SH2D4A: variants seen among roughly 807,000 people sequenced by gnomAD.
SH2D4A encodes the protein SH2 domain containing 4A.
Under a neutral mutation model 64.7 loss-of-function variants are expected in SH2D4A, and 70 were observed. The ratio of observed to expected loss-of-function variants is 1.08; its 90% CI spans 0.89 to 1.32. The LOEUF (loss-of-function observed/expected upper bound fraction) is 1.32. Among genes scored for constraint, SH2D4A ranks in the 40% most tolerant of loss-of-function variants. The pLI, the probability that SH2D4A is intolerant of heterozygous loss-of-function variation, is 0.00. For synonymous variants in SH2D4A, 268 were observed against 200.7 expected, an observed-to-expected ratio of 1.34 and a Z score of -2.83; for missense variants, 706 against 540.1, an observed-to-expected ratio of 1.31 and a Z score of -3.04.
At chr8:19,391,332 A>G (rs966927275) in intron 8 of SH2D4A, among the ~76,000 whole-genome samples, 1 of 152,088 alleles carries the variant, frequency 6.6e-6, no homozygotes, top group East Asian at 1.9e-4. Context: ...CCTCATGGGG[A>G]TAGTGGAGCA....
At chr8:19,357,317 C>T (rs1355443949) in intron 5 of SH2D4A, 34 bp downstream of exon 5, 7 of 1,391,208 alleles carry the variant, frequency 5.0e-6, no homozygotes, top group Non-Finnish European at 7.1e-6. Flanking sequence ...CCGGGGGCTG[C>T]ATACCTAGGC....
intron 6 of SH2D4A, 69 bp from the exon 7 acceptor site, chr8:19,364,003 T>C (rs900567610): frequency 3.4e-6 from 5 of 1,486,480 alleles, no homozygotes; most frequent in African/African-American, 1.4e-5. Context: ...CGTTGTGCAA[T>C]GAATGCTGAG....
intron 1 of SH2D4A, among the ~76,000 whole-genome samples, chr8:19,315,746 C>T (rs1254409401): frequency 6.6e-6 from 1 of 152,150 alleles, no homozygotes; most frequent in African/African-American, 2.4e-5. Context: ...TGGGAAAGTC[C>T]TCTGAGTTTG....
At position 19,393,273 on chromosome 8, in the gene SH2D4A, G is replaced by A. The variant is rs1315323404; in HGVS notation, c.1049-45G>A. On this transcript the variant is annotated intron_variant, in intron 8 of 9. Coordinates refer to ENST00000265807, the MANE Select transcript of SH2D4A (RefSeq NM_022071.4). Reference sequence around the variant, plus strand: ...CTGGATTTAACAGAGGGGATTTTCTGGAATGATTTGGCTGAAATACCTGCC... The same window carrying A: ...CTGGATTTAACAGAGGGGATTTTCTAGAATGATTTGGCTGAAATACCTGCC... 3.2e-6 allele frequency: 5 copies of A among 1,571,144 alleles called. No homozygotes were observed. The East Asian group carries it at 6.7e-5, about 21-fold the overall frequency.
intron 2 of SH2D4A, among the ~76,000 whole-genome samples, chr8:19,326,771 G>T (rs1356725681): frequency 1.3e-5 from 2 of 152,092 alleles, no homozygotes; most frequent in Non-Finnish European, 2.9e-5. Context: ...AGTGGGGGTG[G>T]AGACCAAGAG....
intron 2 of SH2D4A, among the ~76,000 whole-genome samples, chr8:19,326,703 G>C (rs952303977): frequency 6.6e-6 from 1 of 152,004 alleles, no homozygotes; most frequent in Non-Finnish European, 1.5e-5. Context: ...ATGTGTGCCT[G>C]CCTCTCCCCC....
chr8:19,354,281 A>G (rs376632147), intron 4 of SH2D4A, among the ~76,000 whole-genome samples: 1 of 152,164 alleles, frequency 6.6e-6, no homozygotes, highest in Non-Finnish European at 1.5e-5. Flanking sequence ...GATTACAGGC[A>G]TGAGCCACCA....
intron 2 of SH2D4A, among the ~76,000 whole-genome samples, chr8:19,321,729 C>T (rs994154793): frequency 6.6e-6 from 1 of 152,136 alleles, no homozygotes; most frequent in Non-Finnish European, 1.5e-5. Flanking sequence ...AATTGGGTCT[C>T]TTCTGGGCAC....
At chr8:19,365,797 GAA>G (rs1563203507) in intron 7 of SH2D4A, among the ~76,000 whole-genome samples, 1 of 146,594 alleles carries the variant, frequency 6.8e-6, no homozygotes, top group Non-Finnish European at 1.5e-5. Flanking sequence ...GCCACCCCAG[GAA>G]AAGACAGACC....
intron 8 of SH2D4A, among the ~76,000 whole-genome samples, chr8:19,380,229 T>C (rs1420773862): frequency 2.0e-5 from 3 of 152,248 alleles, no homozygotes; most frequent in African/African-American, 7.2e-5. Flanking sequence ...TGGGTTCTTG[T>C]TGAATTATGA....
chr8:19,332,244 A>G (rs1464856510), intron 2 of SH2D4A, among the ~76,000 whole-genome samples: 3 of 152,216 alleles, frequency 2.0e-5, no homozygotes, highest in Non-Finnish European at 4.4e-5. Flanking sequence ...AGATAGTTAG[A>G]TGTAAGAATT....
intron 2 of SH2D4A, among the ~76,000 whole-genome samples, chr8:19,329,501 A>T (rs921096104): frequency 2.0e-5 from 3 of 152,192 alleles, no homozygotes; most frequent in African/African-American, 7.2e-5. Flanking sequence ...GAGGACAGGG[A>T]CTACTAGAAT....
chr8:19,353,615 C>A (rs1023619498), intron 4 of SH2D4A, among the ~76,000 whole-genome samples: 3 of 150,994 alleles, frequency 2.0e-5, no homozygotes, highest in African/African-American at 4.9e-5. Context: ...GATTTGCCCA[C>A]CTCAGACTCC....
intron 8 of SH2D4A, among the ~76,000 whole-genome samples, chr8:19,390,772 T>C (rs1382741011): frequency 6.6e-6 from 1 of 152,168 alleles, no homozygotes; most frequent in Non-Finnish European, 1.5e-5. Flanking sequence ...TGGGTCCTGG[T>C]GTCCCAGGAG....
intron 8 of SH2D4A, among the ~76,000 whole-genome samples, chr8:19,391,154 T>C (rs1398429039): frequency 6.6e-6 from 1 of 152,162 alleles, no homozygotes. Flanking sequence ...ACAGTGTCTT[T>C]AGAGATTTGC....
At chr8:19,372,069 C>A (rs1383441517) in intron 7 of SH2D4A, among the ~76,000 whole-genome samples, 1 of 152,152 alleles carries the variant, frequency 6.6e-6, no homozygotes, top group East Asian at 1.9e-4. Context: ...TCATATTGTC[C>A]TGAGTCTTCT....
chr8:19,314,690 A>G (rs2052056671), intron 1 of SH2D4A, among the ~76,000 whole-genome samples: 1 of 152,204 alleles, frequency 6.6e-6, no homozygotes, highest in African/African-American at 2.4e-5. Flanking sequence ...TTTAATAGAA[A>G]CAACGACTTG....
intron 9 of SH2D4A, 52 bp downstream of exon 9, chr8:19,393,593 G>C (rs767296705): frequency 2.6e-6 from 4 of 1,559,084 alleles, no homozygotes; most frequent in Non-Finnish European, 3.5e-6. Flanking sequence ...TCCTGTAGCA[G>C]CTCTAACAAT....
chr8:19,365,409 C>T (rs1375799755), intron 7 of SH2D4A, among the ~76,000 whole-genome samples: 1 of 152,096 alleles, frequency 6.6e-6, no homozygotes. Flanking sequence ...GAAATGTAGT[C>T]AGGAAATAGG....
Sources: gnomAD v4.1 joint callset for allele counts (sites outside exome capture counted in the v4.1 genomes callset) on GRCh38, gnomAD v4.1.1 for gene constraint, MANE v1.5 for transcripts, NCBI Gene and HGNC (gene_info 2026-07-23, HGNC 2026-07-21) for gene names.